AKAP12: variants seen among roughly 807,000 people sequenced by gnomAD.
AKAP12 encodes A-kinase anchoring protein 12.
In AKAP12, 32 loss-of-function variants were observed where a neutral mutation model predicts 79.9. The observed-to-expected ratio is 0.40, with a 90% CI of 0.30 to 0.54. AKAP12 has a LOEUF of 0.54. AKAP12 is among the 20% of genes least tolerant of loss of function. The pLI, the probability that AKAP12 is intolerant of heterozygous loss-of-function variation, is 0.48. For missense variants in AKAP12, 2,074 were observed against 2,177.0 expected (o/e 0.95, Z 0.94); for synonymous variants, 808 against 857.0 (o/e 0.94, Z 1.00).
chr6:151,280,109 A>G (rs1776371362), intron 2 of AKAP12, among the ~76,000 whole-genome samples: 1 of 151,616 alleles, frequency 6.6e-6, no homozygotes, highest in South Asian at 2.1e-4. Flanking sequence ...ATAGGAAATC[A>G]TAAGCACCTT....
chr6:151,255,153 G>C (rs1797266808), intron 2 of AKAP12, among the ~76,000 whole-genome samples: 1 of 145,710 alleles, frequency 6.9e-6, no homozygotes, highest in African/African-American at 2.6e-5. Context: ...AACAGTAGAT[G>C]GGATTGATAA....
rs573290818 is a variant in AKAP12, at chr6:151,275,626, A to G, written c.163-30121A>G. On this transcript the variant is annotated intron_variant, in intron 2 of 4. Transcript: ENST00000402676. ...TTTTTTTATCAGAATACTTTAATAC[A>G]TTTTACATTGATTTAGGAATTTGGA... Among the ~76,000 whole-genome samples the G allele has an allele frequency of 3.3e-5, 5 of 152,290 alleles. No homozygotes were observed. The South Asian group carries it at 1.0e-3, about 32-fold the overall frequency.
chr6:151,321,834 T>C (rs922800507), intron 3 of AKAP12, among the ~76,000 whole-genome samples: 8 of 152,058 alleles, frequency 5.3e-5, no homozygotes, highest in African/African-American at 1.9e-4. Flanking sequence ...TCTCCATTCC[T>C]TGTTATTGTG....
intron 2 of AKAP12, among the ~76,000 whole-genome samples, chr6:151,280,239 TCTC>T (rs1380302900): frequency 1.3e-5 from 2 of 152,048 alleles, no homozygotes; most frequent in Non-Finnish European, 2.9e-5. Context: ...ATTCTGATGA[TCTC>T]CTATTACAAG....
rs771333851 is a variant in AKAP12 at position 151,249,141 on chromosome 6, T to A, written c.162+8417T>A. On this transcript the variant is annotated intron_variant, in intron 2 of 4. Transcript: ENST00000402676. ...CCATCTCATTGCCTCCTAAGCCCTC[T>A]TCCCTTATTTATCATTTTAAAACTT... Among the ~76,000 whole-genome samples the A allele has an allele frequency of 3.3e-5, 5 of 152,318 alleles. No homozygotes were observed. In the East Asian group the frequency reaches 9.6e-4, roughly 29 times the overall value.
chr6:151,294,093 C>T (rs1045929725), intron 2 of AKAP12, among the ~76,000 whole-genome samples: 2 of 152,062 alleles, frequency 1.3e-5, no homozygotes, highest in South Asian at 2.1e-4. Context: ...CCTGCCTCAG[C>T]CTCCCGAGTA....
chr6:151,302,911 T>A (rs1776892161), intron 2 of AKAP12, among the ~76,000 whole-genome samples: 1 of 152,184 alleles, frequency 6.6e-6, no homozygotes, highest in Non-Finnish European at 1.5e-5. Flanking sequence ...TACTCTGACA[T>A]TTGGCTGGGC....
chr6:151,270,830 G>A (rs1452995597), intron 2 of AKAP12, among the ~76,000 whole-genome samples: 2 of 152,094 alleles, frequency 1.3e-5, no homozygotes, highest in African/African-American at 4.8e-5. Flanking sequence ...AGTCTCGTAT[G>A]CCAAACTAAA....
chr6:151,350,434 T>C lies in AKAP12; in HGVS notation c.2043T>C (p.Ala681=), dbSNP rs759898188. The change falls in exon 4 of 5, where the codon GCT becomes GCC. Residue 681 remains alanine (A), a synonymous_variant. Transcript: ENST00000402676. This position sits in a 1 kb window ranked among gnomAD's most constrained non-coding sequence, Gnocchi z 4.8. ...TGGATACCTCAGTATCTTGGGAAGC[T>C]TTAATTTGTGTGGGATCATCCAAGA... ...RKVDTSVSWE[A]LICVGSSKKR... The C allele has an allele frequency of 3.5e-5, 56 of 1,613,452 alleles. 2 individuals are homozygous for C. In the South Asian group the frequency reaches 5.5e-4, roughly 16 times the overall value.
rs371627128 is a variant in AKAP12 at position 151,290,280 on chromosome 6, C to T, written c.163-15467C>T. Among the ~76,000 whole-genome samples the T allele has an allele frequency of 1.2e-4, 19 of 152,264 alleles. No individual in the cohort carries two copies. In the South Asian group the frequency reaches 3.9e-3, roughly 32 times the overall value. ...TGGAAAGGCCAACATCTTCACTGCACACCCTACAGGGAGGGTGGGTGGAAG... is the reference window on the plus strand; with the variant it reads ...TGGAAAGGCCAACATCTTCACTGCATACCCTACAGGGAGGGTGGGTGGAAG... On this transcript the variant is annotated intron_variant, in intron 2 of 4. Coordinates refer to ENST00000402676, the MANE Select transcript of AKAP12 (RefSeq NM_005100.4).
rs756447826 is a variant in AKAP12, at chr6:151,355,858, C to T, written c.*144C>T. 1.3e-5 allele frequency: 2 copies of T among 152,612 alleles called. No homozygotes were observed. Among genetic ancestry groups the T allele is most frequent in the African/African-American group, 4.8e-5 (2 of 41,436 alleles). 9.5% of individuals were successfully genotyped at this position (152,612 alleles called of 1,614,324 possible). A position where few individuals can be genotyped will look rare whatever the true frequency, so the allele number is the denominator to read the frequency against. ...GGAGAGCAGGCACATCAACTGATCTCATTTCTAGAGAGCCCCTGACAATCC... is the reference window on the plus strand; with the variant it reads ...GGAGAGCAGGCACATCAACTGATCTTATTTCTAGAGAGCCCCTGACAATCC... On this transcript the variant is annotated 3_prime_UTR_variant, in exon 5 of 5. Transcript: ENST00000402676.
chr6:151,298,080 G>A (rs1187967716), intron 2 of AKAP12, among the ~76,000 whole-genome samples: 1 of 152,156 alleles, frequency 6.6e-6, no homozygotes, highest in Non-Finnish European at 1.5e-5. Context: ...ATAGCTGAGA[G>A]GAGCTTGGAC....
chr6:151,323,036 G>T (rs1232388131), intron 3 of AKAP12, among the ~76,000 whole-genome samples: 1 of 152,166 alleles, frequency 6.6e-6, no homozygotes, highest in East Asian at 1.9e-4. Context: ...TCCTGCATTG[G>T]ACAGTGACCT....
chr6:151,268,188 G>A (rs1463895166), intron 2 of AKAP12, among the ~76,000 whole-genome samples: 2 of 152,170 alleles, frequency 1.3e-5, no homozygotes, highest in Admixed American at 6.5e-5. Context: ...GAAGGCAGGC[G>A]GATCACCTGA....
chr6:151,349,814 G>T lies in AKAP12; in HGVS notation c.1423G>T (p.Asp475Tyr). 1 of 1,614,116 alleles carries T rather than the reference G, an allele frequency of 6.2e-7. No individual in the cohort carries two copies. The highest frequency in any genetic ancestry group is 8.5e-7 in the Non-Finnish European group (1 of 1,180,038). ...CAAAGAAACGTGTGTTTCCGGAGAG[G>T]ACCCTACACAGGGAGCTGACCTCAG... ...KLKETCVSGEDPTQGADLSPD... is the reference protein window; with the variant it reads ...KLKETCVSGEYPTQGADLSPD... The change falls in exon 4 of 5, where the codon GAC becomes TAC. Residue 475 changes from aspartate to tyrosine, a missense_variant. By Grantham distance (160) the Asp-to-Tyr change is radical. Transcript: ENST00000402676.
At chr6:151,266,840 A>T (rs1192669084) in intron 2 of AKAP12, among the ~76,000 whole-genome samples, 1 of 151,990 alleles carries the variant, frequency 6.6e-6, no homozygotes, top group Non-Finnish European at 1.5e-5. Context: ...AATATGCAAA[A>T]CTGTATTCCA....
chr6:151,338,984 C>T (rs926553072), intron 3 of AKAP12, among the ~76,000 whole-genome samples: 1 of 152,198 alleles, frequency 6.6e-6, no homozygotes, highest in Non-Finnish European at 1.5e-5. Context: ...CCAGCTTTCA[C>T]TTTGATGGAT....
Position 151,240,646 on chromosome 6 carries a change from C to G in AKAP12, c.84C>G (p.Ser28Arg). The G allele has an allele frequency of 7.5e-7, 1 of 1,336,078 alleles. No individual in the cohort carries two copies. The highest frequency in any genetic ancestry group is 9.5e-7 in the Non-Finnish European group (1 of 1,047,418). 82.8% of individuals were successfully genotyped at this position (1,336,078 alleles called of 1,614,324 possible). ...CCACGCCGGCTGAGCCCGAGCCCAG[C>G]GGCGGCGGCCCCTCGGCCGAGGCGG... Reference protein sequence around the residue: ...GSSTPAEPEPSGGGPSAEAAP... With the variant: ...GSSTPAEPEPRGGGPSAEAAP... Residue 28 changes from serine (S) to arginine (R), a missense_variant, in exon 2 of 5, where the codon AGC becomes AGG. By Grantham distance (110) the Ser-to-Arg change is moderately radical. Transcript: ENST00000402676.
At chr6:151,295,412 T>G (rs965457604) in intron 2 of AKAP12, among the ~76,000 whole-genome samples, 3 of 152,174 alleles carry the variant, frequency 2.0e-5, no homozygotes, top group African/African-American at 7.2e-5. Context: ...TGAATTTTAC[T>G]GAAAATGATG....
Sources: allele counts gnomAD v4.1 joint callset (sites outside exome capture counted in the v4.1 genomes callset), GRCh38; gene constraint gnomAD v4.1.1; non-coding constraint Gnocchi (gnomAD v3.1); transcripts MANE v1.5; gene names NCBI Gene and HGNC (gene_info 2026-07-23, HGNC 2026-07-21).